MYO3B: variants seen among roughly 807,000 people sequenced by gnomAD.
MYO3B encodes myosin IIIB, also known as myosin-IIIb.
In MYO3B, 156 loss-of-function variants were observed where a neutral mutation model predicts 174.6. The ratio of observed to expected loss-of-function variants is 0.89; its 90% confidence interval spans 0.78 to 1.02. The LOEUF (loss-of-function observed/expected upper bound fraction) is 1.02, where lower values mean the gene tolerates loss of function less well. Ranked by LOEUF, MYO3B falls within the 50% of genes least tolerant of loss-of-function variation. The probability of loss-of-function intolerance (pLI) is 0.00; values close to 1 mark genes in which losing one functional copy is unlikely to be tolerated. For synonymous variants in MYO3B, 563 were observed against 569.1 expected (o/e 0.99, Z 0.15); for missense variants, 1,632 against 1,639.4 (o/e 1.00, Z 0.08).
intron 32 of MYO3B, among the ~76,000 whole-genome samples, chr2:170,616,448 T>G (rs558868127): frequency 6.6e-6 from 1 of 152,154 alleles, no homozygotes; most frequent in African/African-American, 2.4e-5. Flanking sequence ...ATTCTGGCAG[T>G]CCAACCTGGC....
intron 9 of MYO3B, among the ~76,000 whole-genome samples, chr2:170,381,487 G>C (rs903618783): frequency 1.3e-5 from 2 of 152,130 alleles, no homozygotes; most frequent in Non-Finnish European, 2.9e-5. Context: ...GGAGTGGGAT[G>C]GGACAAGGGT....
At chr2:170,441,026 T>A (rs1029876224) in intron 22 of MYO3B, among the ~76,000 whole-genome samples, 5 of 152,026 alleles carry the variant, frequency 3.3e-5, no homozygotes, top group Admixed American at 6.6e-5. Flanking sequence ...GGTCTCCAAC[T>A]CCTGACCTTG....
intron 32 of MYO3B, among the ~76,000 whole-genome samples, chr2:170,549,917 T>C (rs1423117008): frequency 6.6e-6 from 1 of 152,202 alleles, no homozygotes; most frequent in East Asian, 1.9e-4. Flanking sequence ...AGGGCTAAGA[T>C]GTCTCCCATT....
intron 32 of MYO3B, among the ~76,000 whole-genome samples, chr2:170,616,275 C>T (rs1695459381): frequency 6.6e-6 from 1 of 152,148 alleles, no homozygotes. Flanking sequence ...AGCCACCTCC[C>T]CATGCATCCG....
chr2:170,613,318 G>C (rs1310420492), intron 32 of MYO3B, among the ~76,000 whole-genome samples: 1 of 152,150 alleles, frequency 6.6e-6, no homozygotes, highest in Non-Finnish European at 1.5e-5. Context: ...GCACTGATGG[G>C]ACTTCACAGA....
chr2:170,497,749 A>G (rs1321317227), intron 25 of MYO3B, among the ~76,000 whole-genome samples: 3 of 152,040 alleles, frequency 2.0e-5, no homozygotes, highest in Admixed American at 1.3e-4. Flanking sequence ...CTCTTGTTCT[A>G]GGGGCCTCAG....
At chr2:170,612,131 C>A (rs1695160674) in intron 32 of MYO3B, among the ~76,000 whole-genome samples, 1 of 152,178 alleles carries the variant, frequency 6.6e-6, no homozygotes, top group South Asian at 2.1e-4. Context: ...GCACTCCCAC[C>A]AGTTAGCATA....
intron 25 of MYO3B, among the ~76,000 whole-genome samples, chr2:170,478,098 A>G (rs559233072): frequency 6.6e-6 from 1 of 152,190 alleles, no homozygotes; most frequent in African/African-American, 2.4e-5. Context: ...TCAGGAAAGA[A>G]AAAATTTTTT....
intron 16 of MYO3B, among the ~76,000 whole-genome samples, chr2:170,394,054 A>G (rs2094430715): frequency 6.6e-6 from 1 of 152,334 alleles, no homozygotes; most frequent in South Asian, 2.1e-4. Flanking sequence ...TTAAAAGGGT[A>G]CAGGAACCAT....
At chr2:170,550,097 G>A (rs1297253441) in intron 32 of MYO3B, among the ~76,000 whole-genome samples, 2 of 152,172 alleles carry the variant, frequency 1.3e-5, no homozygotes, top group Non-Finnish European at 2.9e-5. Flanking sequence ...TTTATGGGTA[G>A]TCTCTGAGGT....
chr2:170,276,547 A>G (rs2093465136), intron 7 of MYO3B, among the ~76,000 whole-genome samples: 1 of 152,226 alleles, frequency 6.6e-6, no homozygotes, highest in South Asian at 2.1e-4. Flanking sequence ...TGCTATAATT[A>G]TTAATAGATT....
chr2:170,444,031 T>A lies in MYO3B; in HGVS notation c.2715T>A (p.Ser905Arg), dbSNP rs1310937910. Residue 905 changes from serine to arginine, a missense_variant, in exon 23 of 35, where the codon AGT becomes AGA. Physicochemically the swap from Ser to Arg is moderately radical, Grantham distance 110. Coordinates refer to ENST00000408978, the MANE Select transcript of MYO3B (RefSeq NM_138995.5). ...VASSSLPPHF[S>R]AGKAKVDTLE... Reference sequence around the variant, plus strand: ...CAAGTTCTTTGCCTCCACATTTCAGTGCTGGGAAAGCCAAGGTGAGTAACA... The same window carrying A: ...CAAGTTCTTTGCCTCCACATTTCAGAGCTGGGAAAGCCAAGGTGAGTAACA... The A allele has an allele frequency of 2.5e-6, 4 of 1,613,048 alleles. No individual in the cohort carries two copies. The highest frequency in any genetic ancestry group is 3.3e-5 in the Admixed American group (2 of 59,988).
chr2:170,501,092 A>AG lies in MYO3B; in HGVS notation c.3290-693_3290-692insG, dbSNP rs1334907482. ...GTTGTGATGCTGAGACGGGAGGAAC[A>AG]AAGACATTATGCTCCTCGTGGGTGG... On this transcript the variant is annotated intron_variant, in intron 27 of 34. Coordinates refer to ENST00000408978, the MANE Select transcript of MYO3B (RefSeq NM_138995.5). Among the ~76,000 whole-genome samples, 41 of 21,080 alleles carry AG rather than the reference A, an allele frequency of 1.9e-3. 1 individual carries two copies. In the East Asian group the frequency reaches 0.046, roughly 24 times the overall value. The allele number at this position is 21,080 out of a possible 152,430, so 13.8% of individuals were successfully genotyped here. A position where few individuals can be genotyped will look rare whatever the true frequency, so the allele number is the denominator to read the frequency against.
chr2:170,383,149 C>T lies in MYO3B; in HGVS notation c.1145C>T (p.Ala382Val). Residue 382 changes from alanine (A) to valine (V), a missense_variant, in exon 11 of 35, where the codon GCC becomes GTC. Ala to Val is a moderately conservative substitution (Grantham distance 64). Transcript: ENST00000408978. ...IYTYVGDILIALNPFQNLSIY... is the reference protein window; with the variant it reads ...IYTYVGDILIVLNPFQNLSIY... ...ACATATGTTGGAGACATCTTAATTGCCTTAAACCCCTTCCAGAATCTAAGC... is the reference window on the plus strand; with the variant it reads ...ACATATGTTGGAGACATCTTAATTGTCTTAAACCCCTTCCAGAATCTAAGC... The T allele has an allele frequency of 6.2e-7, 1 of 1,612,646 alleles. No individual in the cohort carries two copies. The highest frequency in any genetic ancestry group is 1.1e-5 in the South Asian group (1 of 91,034).
chr2:170,449,083 C>T (rs892056767), intron 23 of MYO3B, among the ~76,000 whole-genome samples: 6 of 152,292 alleles, frequency 3.9e-5, no homozygotes, highest in Non-Finnish European at 7.4e-5. Context: ...GAATTTTCCT[C>T]CTCTGAAGGT....
chr2:170,386,352 TG>T (rs1370679146), intron 13 of MYO3B, 80 bp downstream of exon 13: 146 of 1,225,194 alleles, frequency 1.2e-4, no homozygotes, highest in Non-Finnish European at 1.4e-4. Flanking sequence ...ATGGAAGTGC[TG>T]GGTTTTTTTT....
intron 9 of MYO3B, among the ~76,000 whole-genome samples, chr2:170,373,033 G>C (rs2094260478): frequency 6.6e-6 from 1 of 152,130 alleles, no homozygotes; most frequent in Admixed American, 6.6e-5. Flanking sequence ...AGGTGCTAGG[G>C]AGCCATTGAA....
chr2:170,586,999 T>C (rs1693531049), intron 32 of MYO3B, among the ~76,000 whole-genome samples: 1 of 152,332 alleles, frequency 6.6e-6, no homozygotes, highest in Non-Finnish European at 1.5e-5. Flanking sequence ...TTTTAATGAA[T>C]GAATATGTTG....
chr2:170,491,125 A>G (rs1575065902), intron 25 of MYO3B, among the ~76,000 whole-genome samples: 1 of 151,666 alleles, frequency 6.6e-6, no homozygotes, highest in African/African-American at 2.4e-5. Flanking sequence ...TTCTTTTTCT[A>G]TTTCTTATGG....
Sources: allele counts gnomAD v4.1 joint callset (sites outside exome capture counted in the v4.1 genomes callset), GRCh38; gene constraint gnomAD v4.1.1; transcripts MANE v1.5; gene names NCBI Gene and HGNC (gene_info 2026-07-23, HGNC 2026-07-21).